DLGAP2: variants seen among roughly 807,000 people sequenced by gnomAD.
The protein encoded by DLGAP2 is disks large-associated protein 2.
Under a neutral mutation model 100.3 loss-of-function variants are expected in DLGAP2, and 26 were observed. The observed-to-expected ratio is 0.26, with a 90% CI of 0.19 to 0.36. The LOEUF (loss-of-function observed/expected upper bound fraction) is 0.36. DLGAP2 is among the 10% of genes least tolerant of loss of function. The pLI, the probability that DLGAP2 is intolerant of heterozygous loss-of-function variation, is 1.00. For synonymous variants in DLGAP2, 886 were observed against 630.1 expected (o/e 1.41, Z -6.08); for missense variants, 1,858 against 1,453.2 (o/e 1.28, Z -4.53).
chr8:1,415,135 T>G (rs1000184063), intron 3 of DLGAP2, among the ~76,000 whole-genome samples: 1 of 152,214 alleles, frequency 6.6e-6, no homozygotes, highest in Admixed American at 6.5e-5. Context: ...TACAAACAGG[T>G]ACACACATGC....
chr8:1,367,405 CTAGCACACAAAAAT>C (rs1333196211), intron 3 of DLGAP2, among the ~76,000 whole-genome samples: 12 of 152,236 alleles, frequency 7.9e-5, no homozygotes, highest in African/African-American at 2.9e-4. Context: ...CACAGACCAA[CTAGCACACAAAAAT>C]TAGCACACAC....
chr8:905,409 T>C (rs1261458960), intron 1 of DLGAP2, among the ~76,000 whole-genome samples: 6 of 152,152 alleles, frequency 3.9e-5, no homozygotes, highest in Non-Finnish European at 8.8e-5. Context: ...TGTGGGATCA[T>C]TCGTCATACC....
At chr8:1,212,221 A>G (rs935771323) in intron 2 of DLGAP2, among the ~76,000 whole-genome samples, 1 of 152,244 alleles carries the variant, frequency 6.6e-6, no homozygotes, top group African/African-American at 2.4e-5. Context: ...AAAGACACGC[A>G]GGTTGTCTCA....
chr8:1,115,547 A>G (rs1805090092), intron 2 of DLGAP2, among the ~76,000 whole-genome samples: 1 of 152,250 alleles, frequency 6.6e-6, no homozygotes, highest in East Asian at 1.9e-4. Flanking sequence ...TGCCTAAGAC[A>G]GTGCCTACCA....
chr8:780,933 T>C (rs1036966302), intron 1 of DLGAP2, among the ~76,000 whole-genome samples: 13 of 152,214 alleles, frequency 8.5e-5, no homozygotes, highest in African/African-American at 3.1e-4. Flanking sequence ...CAAGATATAT[T>C]TGCTTGTGCT....
chr8:1,427,953 T>G (rs1240984425), intron 3 of DLGAP2, among the ~76,000 whole-genome samples: 2 of 152,214 alleles, frequency 1.3e-5, no homozygotes, highest in Non-Finnish European at 2.9e-5. Flanking sequence ...AAAATGAACT[T>G]ATATCAGTAT....
At chr8:1,601,938 T>G (rs1172211492) in intron 6 of DLGAP2, among the ~76,000 whole-genome samples, 2 of 89,364 alleles carry the variant, frequency 2.2e-5, no homozygotes, top group Non-Finnish European at 5.0e-5. Context: ...AAACCTTAAT[T>G]TAACAGGGTG....
At chr8:899,272 C>T (rs1798205292) in intron 1 of DLGAP2, among the ~76,000 whole-genome samples, 1 of 152,216 alleles carries the variant, frequency 6.6e-6, no homozygotes, top group Non-Finnish European at 1.5e-5. Context: ...AGGTGCAGCA[C>T]AGCCTGTGAG....
intron 2 of DLGAP2, among the ~76,000 whole-genome samples, chr8:941,513 C>T (rs1176901527): frequency 1.3e-5 from 2 of 152,190 alleles, no homozygotes; most frequent in Non-Finnish European, 2.9e-5. Context: ...CTTTAAAAAC[C>T]GTGGAAGAGT....
At chr8:801,631 G>A (rs777952389) in intron 1 of DLGAP2, among the ~76,000 whole-genome samples, 4 of 152,134 alleles carry the variant, frequency 2.6e-5, no homozygotes, top group Non-Finnish European at 4.4e-5. Context: ...GGGGCTGCTG[G>A]GATGGGCTTT....
At chr8:1,263,167 G>A (rs777828882) in intron 3 of DLGAP2, among the ~76,000 whole-genome samples, 12 of 152,068 alleles carry the variant, frequency 7.9e-5, no homozygotes, top group African/African-American at 1.4e-4. Flanking sequence ...TTTAGCAATC[G>A]AGGCCTCAAG....
chr8:1,051,333 G>A (rs1802704473), intron 2 of DLGAP2, among the ~76,000 whole-genome samples: 1 of 152,116 alleles, frequency 6.6e-6, no homozygotes, highest in South Asian at 2.1e-4. Flanking sequence ...TGTTGTCTCA[G>A]ATCCAGCTGC....
At chr8:918,640 G>A (rs12544376) in intron 2 of DLGAP2, among the ~76,000 whole-genome samples, 2 of 152,076 alleles carry the variant, frequency 1.3e-5, no homozygotes, top group Admixed American at 1.3e-4. Flanking sequence ...GATAAAATAC[G>A]AGTTGCTGTG....
At chr8:1,107,885 C>T (rs1388155002) in intron 2 of DLGAP2, among the ~76,000 whole-genome samples, 2 of 152,128 alleles carry the variant, frequency 1.3e-5, no homozygotes, top group East Asian at 3.9e-4. Flanking sequence ...GCTCGGGGAG[C>T]ACGAGAGGGA....
intron 3 of DLGAP2, among the ~76,000 whole-genome samples, chr8:1,303,810 T>G (rs1471129670): frequency 6.6e-6 from 1 of 152,138 alleles, no homozygotes; most frequent in Non-Finnish European, 1.5e-5. Context: ...AGCCCTGCGC[T>G]GCGCTGAGGA....
rs1312137182 is a variant in DLGAP2 at position 1,680,227 on chromosome 8, A to T, written c.2704+1598A>T. 2.0e-5 allele frequency among the ~76,000 whole-genome samples: 3 copies of T among 152,226 alleles called. No homozygotes were observed. In the East Asian group the frequency reaches 5.8e-4, roughly 29 times the overall value. On this transcript the variant is annotated intron_variant, in intron 12 of 14. Coordinates refer to ENST00000637795, the MANE Select transcript of DLGAP2 (RefSeq NM_001346810.2). ...AATTTATTTGTACATTGACAAGATC[A>T]TTATAAATGCTGAACTTCAAAAGGA...
intron 2 of DLGAP2, among the ~76,000 whole-genome samples, chr8:1,020,891 C>T (rs891484457): frequency 6.6e-6 from 1 of 152,182 alleles, no homozygotes; most frequent in African/African-American, 2.4e-5. Flanking sequence ...TGGGACCATC[C>T]CTGCCTCATC....
At chr8:882,215 T>C (rs372231058) in intron 1 of DLGAP2, among the ~76,000 whole-genome samples, 1 of 148,560 alleles carries the variant, frequency 6.7e-6, no homozygotes, top group African/African-American at 2.5e-5. Context: ...GGGATTTATC[T>C]AATTTAGTTA....
At chr8:1,040,616 G>A (rs949779151) in intron 2 of DLGAP2, among the ~76,000 whole-genome samples, 8 of 149,228 alleles carry the variant, frequency 5.4e-5, no homozygotes, top group South Asian at 2.2e-4. Context: ...CTCGGTGTGC[G>A]TGGTCGGCTC....
Sources: gnomAD v4.1 joint callset for allele counts (sites outside exome capture counted in the v4.1 genomes callset) on GRCh38, gnomAD v4.1.1 for gene constraint, MANE v1.5 for transcripts, NCBI Gene and HGNC (gene_info 2026-07-23, HGNC 2026-07-21) for gene names.